The following ACAT1 variants were observed in gnomAD, a reference collection of about 807,000 sequenced individuals.
ACAT1 encodes acetyl-CoA acetyltransferase 1.
A neutral mutation model predicts 47.3 loss-of-function variants in ACAT1; 28 were observed. That is an observed-to-expected ratio of 0.59 (90% confidence interval 0.44 to 0.81). The LOEUF (loss-of-function observed/expected upper bound fraction) is 0.81, where lower values mean the gene tolerates loss of function less well. ACAT1 is among the 30% of genes least tolerant of loss of function. ACAT1 has a pLI of 0.00. For missense variants in ACAT1, 469 were observed against 524.3 expected (o/e 0.89, Z 1.03); for synonymous variants, 181 against 173.6 (o/e 1.04, Z -0.34).
intron 1 of ACAT1, among the ~76,000 whole-genome samples, chr11:108,123,477 T>C (rs537638226): frequency 3.3e-4 from 50 of 152,218 alleles, no homozygotes; most frequent in African/African-American, 1.2e-3. Context: ...GCTTACCAGG[T>C]CTCTTTTATG....
At chr11:108,118,627 C>A (rs1225788189), upstream of ACAT1, among the ~76,000 whole-genome samples, 1 of 152,166 alleles carries the variant, frequency 6.6e-6, no homozygotes, top group Non-Finnish European at 1.5e-5. Flanking sequence ...GCCTTGGCCT[C>A]CTAAAGTGCT....
chr11:108,132,866 A>AG (rs2135330612), intron 2 of ACAT1, among the ~76,000 whole-genome samples: 2 of 147,210 alleles, frequency 1.4e-5, no homozygotes, highest in South Asian at 2.1e-4. Flanking sequence ...AAAAAAAAAA[A>AG]AAAAAAAAAA....
At chr11:108,137,995 A>AT (rs899453075) in intron 5 of ACAT1, among the ~76,000 whole-genome samples, 35 of 148,906 alleles carry the variant, frequency 2.4e-4, no homozygotes, top group African/African-American at 3.2e-4. Flanking sequence ...GATTTCTGGT[A>AT]TTTTTTTTTT....
intron 1 of ACAT1, chr11:108,127,814 A>G (rs778616372): frequency 2.0e-5 from 3 of 152,172 alleles, no homozygotes; most frequent in Non-Finnish European, 2.9e-5. Flanking sequence ...TTTTATTCTC[A>G]TAACAGCCTG....
chr11:108,142,332 T>C, intron 8 of ACAT1, 105 bp from the exon 9 acceptor site: 1 of 863,916 alleles, frequency 1.2e-6, no homozygotes. Flanking sequence ...ATATTTGTAA[T>C]TTCTTTAAAC....
In ACAT1 at chr11:108,134,011, C is replaced by T. The variant is rs141054498; in HGVS notation, c.238+74C>T. Reference sequence around the variant, plus strand: ...GGAAAAGATATTTATTTTGCATTAACTATGTATGTAACACTTAGAAATAAC... The same window carrying T: ...GGAAAAGATATTTATTTTGCATTAATTATGTATGTAACACTTAGAAATAAC... On this transcript the variant is annotated intron_variant, in intron 3 of 11. Transcript: ENST00000265838. 5,508 of 1,384,138 alleles carry T rather than the reference C, an allele frequency of 4.0e-3. 17 individuals carry two copies. The highest frequency in any genetic ancestry group is 4.9e-3 in the Non-Finnish European group (4,764 of 971,670). 85.7% of individuals were successfully genotyped at this position (1,384,138 alleles called of 1,614,324 possible). A position where few individuals can be genotyped will look rare whatever the true frequency, so the allele number is the denominator to read the frequency against.
upstream of ACAT1, among the ~76,000 whole-genome samples, chr11:108,120,529 G>T (rs371567882): frequency 1.6e-5 from 2 of 128,254 alleles, no homozygotes; most frequent in Admixed American, 8.8e-5. Context: ...TGACAAGAGC[G>T]AGACCCTATC....
chr11:108,146,475 A>G (rs2134792697), intron 11 of ACAT1, 116 bp downstream of exon 11: 2 of 1,208,838 alleles, frequency 1.7e-6, no homozygotes, highest in Non-Finnish European at 2.4e-6. Flanking sequence ...CCCATCTTTC[A>G]TAAGGCAAAA....
chr11:108,131,989 A>G, intron 2 of ACAT1, 35 bp downstream of exon 2: 1 of 1,332,066 alleles, frequency 7.5e-7, no homozygotes, highest in Non-Finnish European at 1.1e-6. Context: ...AAATTTCCAG[A>G]ATTTAAAGGA....
At position 108,133,861 on chromosome 11, in the gene ACAT1, T is replaced by C; in HGVS notation, c.162T>C (p.Ser54=). The change falls in exon 3 of 12, where the codon TCT becomes TCC. Residue 54 remains serine (S), a synonymous_variant. Coordinates refer to ENST00000265838, the MANE Select transcript of ACAT1 (RefSeq NM_000019.4). ...IVSATRTPIG[S]FLGSLSLLPA... ...GTGCTACAAGAACACCCATTGGATC[T>C]TTTTTAGGCAGCCTTTCCTTGCTGC... The C allele has an allele frequency of 1.2e-6, 2 of 1,614,070 alleles. No individual in the cohort carries two copies. The highest frequency in any genetic ancestry group is 1.7e-6 in the Non-Finnish European group (2 of 1,179,968).
rs1273548356 is a variant in ACAT1 at position 108,146,326 on chromosome 11, A to G, written c.1130A>G (p.Asn377Ser). The change falls in exon 11 of 12, where the codon AAT becomes AGT. Residue 377 changes from asparagine (N) to serine (S), a missense_variant. Physicochemically the swap from Asn to Ser is conservative, Grantham distance 46. Transcript: ENST00000265838. The stretch of plus-strand genomic sequence containing the variant: ...ATTGATCCCCAAAAAGTGAATATCA[A>G]TGGAGGAGCTGTTTCTCTGGGACAT... ...LEIDPQKVNI[N>S]GGAVSLGHPI... 3.7e-6 allele frequency: 6 copies of G among 1,613,974 alleles called. No homozygotes were observed. The highest frequency in any genetic ancestry group is 3.4e-6 in the Non-Finnish European group (4 of 1,179,992).
intron 1 of ACAT1, among the ~76,000 whole-genome samples, chr11:108,124,167 TCTG>T (rs1591352996): frequency 6.6e-6 from 1 of 152,240 alleles, no homozygotes. Context: ...GGTTCCCGCT[TCTG>T]CTGGGATCCT....
Position 108,139,055 on chromosome 11 carries a change from T to C in ACAT1, c.579+14T>C. On this transcript the variant is annotated intron_variant, in intron 6 of 11. Transcript: ENST00000265838. The stretch of plus-strand genomic sequence containing the variant: ...AAAATTCATATGGTAAATGTGATTT[T>C]TAGTGGATAAATGCTATCTAATGTC... 1 of 1,614,046 alleles carries C rather than the reference T, an allele frequency of 6.2e-7. No individual in the cohort carries two copies. The highest frequency in any genetic ancestry group is 1.7e-5 in the Admixed American group (1 of 60,022).
chr11:108,126,671 G>A (rs986260142), intron 1 of ACAT1, among the ~76,000 whole-genome samples: 1 of 151,992 alleles, frequency 6.6e-6, no homozygotes, highest in Non-Finnish European at 1.5e-5. Flanking sequence ...CAGAGTGGAC[G>A]AATTTAGTTA....
At chr11:108,146,811 G>C (rs1006083459) in intron 11 of ACAT1, among the ~76,000 whole-genome samples, 9 of 152,194 alleles carry the variant, frequency 5.9e-5, no homozygotes, top group African/African-American at 2.2e-4. Flanking sequence ...GCCAGGCACG[G>C]TGGCTCACGC....
chr11:108,117,324 TG>T (rs1249563787), upstream of ACAT1, among the ~76,000 whole-genome samples: 287 of 147,226 alleles, frequency 1.9e-3, 1 homozygote, highest in African/African-American at 6.6e-3. Context: ...TTTTTTTTTT[TG>T]GAGACAGAGT....
chr11:108,121,320 T>A, upstream of ACAT1: 1 of 552,476 alleles, frequency 1.8e-6, no homozygotes, highest in Non-Finnish European at 3.3e-6. Flanking sequence ...CCCCGGCAGG[T>A]TAGACTTGGT....
At chr11:108,124,190 G>C (rs369115573) in intron 1 of ACAT1, among the ~76,000 whole-genome samples, 1 of 152,152 alleles carries the variant, frequency 6.6e-6, no homozygotes, top group African/African-American at 2.4e-5. Context: ...TGACCCCTTG[G>C]CTTTGGTAAC....
chr11:108,132,530 A>AAGTTCATATTT, intron 2 of ACAT1, among the ~76,000 whole-genome samples: 1 of 152,260 alleles, frequency 6.6e-6, no homozygotes, highest in East Asian at 1.9e-4. Flanking sequence ...CTTTTGCTTA[A>AAGTTCATATTT]AGTTCATATT....
Sources: gnomAD v4.1 joint callset for allele counts (sites outside exome capture counted in the v4.1 genomes callset) on GRCh38, gnomAD v4.1.1 for gene constraint, MANE v1.5 for transcripts, NCBI Gene and HGNC (gene_info 2026-07-23, HGNC 2026-07-21) for gene names.